Variants in NRXN3 observed in about 807,000 individuals in gnomAD.
NRXN3 encodes the protein neurexin III.
Under a neutral mutation model 137.6 loss-of-function variants are expected in NRXN3, and 32 were observed. The observed-to-expected ratio is 0.23, with a 90% CI of 0.18 to 0.31. The LOEUF (loss-of-function observed/expected upper bound fraction) is 0.31, where lower values mean the gene tolerates loss of function less well. NRXN3 is among the 10% of genes least tolerant of loss of function. The pLI is 1.00. For synonymous variants in NRXN3, 798 were observed against 784.5 expected, an observed-to-expected ratio of 1.02 and a Z score of -0.29; for missense variants, 1,574 against 2,062.5, an observed-to-expected ratio of 0.76 and a Z score of 4.59.
intron 8 of NRXN3, among the ~76,000 whole-genome samples, chr14:78,718,371 A>G (rs1021987991): frequency 2.0e-5 from 3 of 152,138 alleles, no homozygotes; most frequent in Non-Finnish European, 4.4e-5. Flanking sequence ...AAGAAAGCAT[A>G]GATGGAATGC....
chr14:79,809,444 C>G (rs2099223595), intron 20 of NRXN3, among the ~76,000 whole-genome samples: 1 of 152,056 alleles, frequency 6.6e-6, no homozygotes. Flanking sequence ...TGGCCAAAAC[C>G]TACATTTTTT....
intron 15 of NRXN3, among the ~76,000 whole-genome samples, chr14:79,159,654 C>A (rs1326927746): frequency 6.6e-6 from 1 of 151,774 alleles, no homozygotes; most frequent in East Asian, 1.9e-4. Flanking sequence ...ATCGTCCCCA[C>A]AAACTTTTTG....
At chr14:78,653,359 C>A in intron 6 of NRXN3, among the ~76,000 whole-genome samples, 1 of 152,166 alleles carries the variant, frequency 6.6e-6, no homozygotes, top group East Asian at 1.9e-4. Flanking sequence ...TGGAATTGCA[C>A]TCTCATCAGA....
chr14:79,205,931 T>C (rs2066722198), intron 15 of NRXN3, among the ~76,000 whole-genome samples: 1 of 152,162 alleles, frequency 6.6e-6, no homozygotes, highest in African/African-American at 2.4e-5. Flanking sequence ...CAAATTTTGG[T>C]ACCTCATCAT....
chr14:78,612,974 C>A (rs1387192067), intron 4 of NRXN3, among the ~76,000 whole-genome samples: 1 of 152,174 alleles, frequency 6.6e-6, no homozygotes, highest in East Asian at 1.9e-4. Context: ...GTGAAATGAA[C>A]CTTAGTGTCA....
intron 4 of NRXN3, among the ~76,000 whole-genome samples, chr14:78,628,024 G>C (rs956095602): frequency 1.3e-5 from 2 of 151,638 alleles, no homozygotes; most frequent in Non-Finnish European, 2.9e-5. Context: ...CTTCTGGAAT[G>C]GGAAAAAGAA....
At chr14:79,769,072 A>C (rs2099067194) in intron 19 of NRXN3, among the ~76,000 whole-genome samples, 2 of 152,002 alleles carry the variant, frequency 1.3e-5, no homozygotes, top group Non-Finnish European at 1.5e-5. Flanking sequence ...AAGTTTAGAG[A>C]AAAAAGAATA....
At chr14:78,506,643 G>GTTTTTTTT (rs71131653) in intron 4 of NRXN3, among the ~76,000 whole-genome samples, 1 of 105,410 alleles carries the variant, frequency 9.5e-6, no homozygotes, top group Non-Finnish European at 2.0e-5. Flanking sequence ...TCTCATTGTA[G>GTTTTTTTT]TTTTTTTTTT....
intron 15 of NRXN3, among the ~76,000 whole-genome samples, chr14:79,120,990 G>T (rs1351783681): frequency 1.3e-5 from 2 of 152,138 alleles, no homozygotes; most frequent in Admixed American, 1.3e-4. Flanking sequence ...AACAGCAGAA[G>T]ACTTGTCACT....
chr14:79,631,505 G>A (rs1427493748), intron 16 of NRXN3, among the ~76,000 whole-genome samples: 2 of 152,240 alleles, frequency 1.3e-5, no homozygotes, highest in Non-Finnish European at 2.9e-5. Flanking sequence ...TGGCAGGCAA[G>A]GGTTCGGGCT....
chr14:78,563,026 T>C (rs2096801655), intron 4 of NRXN3, among the ~76,000 whole-genome samples: 1 of 152,168 alleles, frequency 6.6e-6, no homozygotes. Context: ...GGTACCTCAT[T>C]CACATAAATA....
intron 19 of NRXN3, among the ~76,000 whole-genome samples, chr14:79,799,479 C>G (rs577783957): frequency 4.6e-4 from 70 of 152,248 alleles, no homozygotes; most frequent in African/African-American, 1.6e-3. Context: ...GGAGAGAAGT[C>G]TGATAGGGCA....
At chr14:79,369,734 T>C (rs772128881) in intron 15 of NRXN3, among the ~76,000 whole-genome samples, 27 of 152,224 alleles carry the variant, frequency 1.8e-4, no homozygotes, top group Non-Finnish European at 2.8e-4. Flanking sequence ...CTTGATAGTC[T>C]CTGCGCTAGT....
chr14:79,700,427 A>G (rs1182262288), intron 19 of NRXN3, among the ~76,000 whole-genome samples: 6 of 152,036 alleles, frequency 3.9e-5, no homozygotes, highest in Non-Finnish European at 7.4e-5. Context: ...AAATGATACC[A>G]CTGTTCTGTC....
chr14:78,714,075 A>G (rs2098421043), intron 7 of NRXN3, among the ~76,000 whole-genome samples: 1 of 152,236 alleles, frequency 6.6e-6, no homozygotes, highest in Non-Finnish European at 1.5e-5. Flanking sequence ...CATTTATTAA[A>G]TGATTAAATA....
intron 15 of NRXN3, among the ~76,000 whole-genome samples, chr14:79,020,621 A>T (rs537088861): frequency 6.8e-4 from 103 of 152,050 alleles, no homozygotes; most frequent in African/African-American, 2.3e-3. Context: ...ACTGCGGGTC[A>T]GGGTGGTGAG....
At chr14:78,882,529 G>T (rs929330282) in intron 10 of NRXN3, among the ~76,000 whole-genome samples, 1 of 151,802 alleles carries the variant, frequency 6.6e-6, no homozygotes, top group African/African-American at 2.4e-5. Context: ...GAACTTTAAG[G>T]TTTAATGACT....
intron 1 of NRXN3, among the ~76,000 whole-genome samples, chr14:78,204,380 T>C (rs1329007169): frequency 6.6e-6 from 1 of 152,214 alleles, no homozygotes; most frequent in Non-Finnish European, 1.5e-5. Flanking sequence ...TATTTGCCTC[T>C]TGGTTTTTCC....
At chr14:78,411,721 A>G (rs1384490757) in intron 4 of NRXN3, among the ~76,000 whole-genome samples, 1 of 152,146 alleles carries the variant, frequency 6.6e-6, no homozygotes, top group Non-Finnish European at 1.5e-5. Context: ...TAAAATCAAA[A>G]TCCACCAGTG....
Sources: allele counts gnomAD v4.1 joint callset (sites outside exome capture counted in the v4.1 genomes callset), GRCh38; gene constraint gnomAD v4.1.1; transcripts MANE v1.5; gene names NCBI Gene and HGNC (gene_info 2026-07-23, HGNC 2026-07-21).